Variants in COL23A1 observed in about 807,000 individuals in gnomAD.
COL23A1 encodes the protein collagen alpha-1(XXIII) chain.
In COL23A1, 97 loss-of-function variants were observed where a neutral mutation model predicts 99.3. That is an observed-to-expected ratio of 0.98 (90% CI 0.83 to 1.16). The LOEUF (loss-of-function observed/expected upper bound fraction) is 1.16. COL23A1 is among the 50% of genes most tolerant of loss of function. COL23A1 has a pLI of 0.00. For synonymous variants in COL23A1, 320 were observed against 308.2 expected, an observed-to-expected ratio of 1.04 and a Z score of -0.40; for missense variants, 762 against 757.4, an observed-to-expected ratio of 1.01 and a Z score of -0.07.
rs769498956 is a variant in COL23A1 at position 178,239,195 on chromosome 5, G to A, written c.1582-16C>T. 6.2e-6 allele frequency: 10 copies of A among 1,613,958 alleles called. No homozygotes were observed. In the Admixed American group the frequency reaches 8.3e-5, roughly 13 times the overall value. ...CGTCGGGGCCCTGGAAAGGAAGAAG[G>A]TTTCAGTGATGGGGATGGGGCCTGG... On this transcript the variant is annotated splice_polypyrimidine_tract_variant and intron_variant, in intron 27 of 28. Coordinates refer to ENST00000390654, the MANE Select transcript of COL23A1 (RefSeq NM_173465.4).
intron 2 of COL23A1, among the ~76,000 whole-genome samples, chr5:178,402,644 T>TG (rs1055002540): frequency 1.3e-5 from 2 of 151,894 alleles, no homozygotes; most frequent in African/African-American, 4.8e-5. Flanking sequence ...CGCAGCTACT[T>TG]GGGAGGCTGA....
chr5:178,287,541 T>TCCTCCGCTGCAGGACCGGGGA (rs1442888240), intron 5 of COL23A1, among the ~76,000 whole-genome samples: 69 of 152,260 alleles, frequency 4.5e-4, no homozygotes, highest in African/African-American at 1.6e-3. Flanking sequence ...TGGCCTCCTC[T>TCCTCCGCTGCAGGACCGGGGA]CCTCCGCTGC....
chr5:178,406,464 C>T (rs1017158547), intron 2 of COL23A1, among the ~76,000 whole-genome samples: 2 of 147,402 alleles, frequency 1.4e-5, no homozygotes, highest in African/African-American at 5.0e-5. Context: ...GAGTCTCGCT[C>T]TGTCATCCAG....
intron 2 of COL23A1, among the ~76,000 whole-genome samples, chr5:178,372,568 T>C (rs1264047363): frequency 6.6e-6 from 1 of 152,096 alleles, no homozygotes; most frequent in East Asian, 1.9e-4. Flanking sequence ...CAGCCCAGCT[T>C]CCGATTTCTT....
chr5:178,382,653 A>G (rs948762951), intron 2 of COL23A1, among the ~76,000 whole-genome samples: 20 of 152,112 alleles, frequency 1.3e-4, no homozygotes, highest in African/African-American at 4.6e-4. Context: ...TATGTTCTTA[A>G]GCCCCTCCAG....
rs112972410 is a variant in COL23A1, at chr5:178,559,693, G to A, written c.361+989C>T. Among the ~76,000 whole-genome samples the A allele has an allele frequency of 9.7e-3, 1,365 of 140,136 alleles. 27 individuals are homozygous for A. Among genetic ancestry groups the A allele is most frequent in the African/African-American group, 0.038 (1,283 of 33,884 alleles). The allele number at this position is 140,136 out of a possible 152,430, so 91.9% of individuals were successfully genotyped here. ...ATCCAAAAGTCACCTTTCCCTGCAC[G>A]TCGAGAAGTCTGAGACACATCACCC... On this transcript the variant is annotated intron_variant, in intron 2 of 28. Coordinates refer to ENST00000390654, the MANE Select transcript of COL23A1 (RefSeq NM_173465.4).
At chr5:178,530,504 G>C (rs1328815866) in intron 2 of COL23A1, among the ~76,000 whole-genome samples, 1 of 152,130 alleles carries the variant, frequency 6.6e-6, no homozygotes, top group Non-Finnish European at 1.5e-5. Flanking sequence ...TTGAATATGA[G>C]CCAGACAGAA....
chr5:178,565,526 C>T lies in COL23A1; in HGVS notation c.295-4778G>A, dbSNP rs369150862. The stretch of plus-strand genomic sequence containing the variant: ...GACTCCTTTTCCTGACCCCTTTAAA[C>T]GTTCTCTTTTGATACCCCACCACGA... On this transcript the variant is annotated intron_variant, in intron 1 of 28. Coordinates refer to ENST00000390654, the MANE Select transcript of COL23A1 (RefSeq NM_173465.4). Among the ~76,000 whole-genome samples the T allele has an allele frequency of 4.1e-4, 62 of 152,108 alleles. 2 individuals are homozygous for T. The South Asian group carries it at 0.012, about 30-fold the overall frequency.
intron 16 of COL23A1, among the ~76,000 whole-genome samples, chr5:178,253,488 T>A (rs4976752): frequency 0.67 from 102,070 of 151,670 alleles, 34,542 homozygotes; most frequent in Non-Finnish European, 0.71. Flanking sequence ...TTTTTTATTT[T>A]TTTTTTATTT....
intron 17 of COL23A1, among the ~76,000 whole-genome samples, chr5:178,251,251 G>A (rs920684298): frequency 6.6e-6 from 1 of 151,966 alleles, no homozygotes; most frequent in Non-Finnish European, 1.5e-5. Flanking sequence ...TTGAACTCCT[G>A]ACCTTGTGAT....
chr5:178,571,821 A>T (rs960551503), intron 1 of COL23A1, among the ~76,000 whole-genome samples: 1 of 152,056 alleles, frequency 6.6e-6, no homozygotes, highest in African/African-American at 2.4e-5. Flanking sequence ...TGTAATCCCA[A>T]CACTTTGGGA....
chr5:178,259,763 G>T lies in COL23A1; in HGVS notation c.703-16C>A. ...CAGGCTCACCCTGGGGGAGGCAATG[G>T]GGGGTTCAAGAGCAAGGTCAAAACC... On this transcript the variant is annotated splice_polypyrimidine_tract_variant and intron_variant, in intron 11 of 28. Coordinates refer to ENST00000390654, the MANE Select transcript of COL23A1 (RefSeq NM_173465.4). 6.2e-7 allele frequency: 1 copy of T among 1,601,232 alleles called. No homozygotes were observed. The highest frequency in any genetic ancestry group is 8.5e-7 in the Non-Finnish European group (1 of 1,172,076).
At chr5:178,477,900 TCA>T (rs1220955533) in intron 2 of COL23A1, among the ~76,000 whole-genome samples, 3 of 152,172 alleles carry the variant, frequency 2.0e-5, no homozygotes. Flanking sequence ...TGACCCCATT[TCA>T]CAGATGAGAA....
chr5:178,241,868 G>A (rs1764418476), intron 27 of COL23A1, among the ~76,000 whole-genome samples, 174 bp downstream of exon 27: 1 of 152,248 alleles, frequency 6.6e-6, no homozygotes, highest in Non-Finnish European at 1.5e-5. Flanking sequence ...CAGAGCAAGG[G>A]GAACCGCGAT....
At chr5:178,248,138 A>T (rs1323566620) in intron 20 of COL23A1, 54 bp downstream of exon 20, 2 of 1,319,020 alleles carry the variant, frequency 1.5e-6, no homozygotes, top group Non-Finnish European at 2.1e-6. Flanking sequence ...CAGGGTCCCC[A>T]CCCAGCCTGG....
At chr5:178,449,209 G>A (rs992707382) in intron 2 of COL23A1, among the ~76,000 whole-genome samples, 4 of 152,146 alleles carry the variant, frequency 2.6e-5, no homozygotes. Flanking sequence ...TGTTATGGCA[G>A]CCCAAGTGGA....
chr5:178,334,149 C>T (rs1760191729), intron 2 of COL23A1, among the ~76,000 whole-genome samples: 1 of 152,170 alleles, frequency 6.6e-6, no homozygotes, highest in Admixed American at 6.5e-5. Flanking sequence ...GCAGACTTGC[C>T]TCCCTCCTGC....
intron 18 of COL23A1, 101 bp from the exon 19 acceptor site, chr5:178,249,307 T>TCTCTTTGTGGGTCCCCACCTC: frequency 8.6e-7 from 1 of 1,159,426 alleles, no homozygotes; most frequent in South Asian, 1.2e-5. Flanking sequence ...GGCCCCACTT[T>TCTCTTTGTGGGTCCCCACCTC]CTCTTTGTGG....
At chr5:178,556,414 G>A (rs1762275015) in intron 2 of COL23A1, among the ~76,000 whole-genome samples, 1 of 152,154 alleles carries the variant, frequency 6.6e-6, no homozygotes. Context: ...CCTGAGGTCA[G>A]GAGTTCGAGA....
Sources: allele counts gnomAD v4.1 joint callset (sites outside exome capture counted in the v4.1 genomes callset), GRCh38; gene constraint gnomAD v4.1.1; transcripts MANE v1.5; gene names NCBI Gene and HGNC (gene_info 2026-07-23, HGNC 2026-07-21).